The following NSUN7 variants were observed in gnomAD, a reference collection of about 807,000 sequenced individuals.
The protein encoded by NSUN7 is protein NSUN7.
NSUN7 carries 39 observed loss-of-function variants against 58.5 expected under a neutral mutation model. The ratio of observed to expected loss-of-function variants is 0.67; its 90% CI spans 0.52 to 0.87. The LOEUF is 0.87. Ranked by LOEUF, NSUN7 falls within the 40% of genes least tolerant of loss-of-function variation. NSUN7 has a pLI of 0.00. For synonymous variants in NSUN7, 278 were observed against 303.7 expected (o/e 0.92, Z 0.88); for missense variants, 765 against 844.1 (o/e 0.91, Z 1.16).
chr4:40,776,737 T>C (rs1742289470), intron 7 of NSUN7, among the ~76,000 whole-genome samples: 1 of 152,066 alleles, frequency 6.6e-6, no homozygotes, highest in Admixed American at 6.6e-5. Context: ...AACCTCAGCC[T>C]CCCAAGTAGC....
Position 40,808,417 on chromosome 4 carries a change from G to GA in NSUN7, c.1641dup (p.Ser548IlefsTer12), listed in dbSNP as rs760691895. On this transcript the variant is annotated frameshift_variant, in exon 12 of 12. Coordinates refer to ENST00000381782, the MANE Select transcript of NSUN7 (RefSeq NM_024677.6). LOFTEE classifies it low-confidence loss of function (END_TRUNC). ...AATCATCAAAACGGGAGAAGAAGAAGAAAAAATCAAAAACATCATTGACAA... is the reference window on the plus strand; with the variant it reads ...AATCATCAAAACGGGAGAAGAAGAAGAAAAAAATCAAAAACATCATTGACAA... The GA allele has an allele frequency of 2.5e-6, 4 of 1,613,532 alleles. No individual in the cohort carries two copies. Among genetic ancestry groups the GA allele is most frequent in the East Asian group, 2.2e-5 (1 of 44,878 alleles).
chr4:40,809,726 A>ATT lies in NSUN7; in HGVS notation c.*787_*788insTT, dbSNP rs1560569657. On this transcript the variant is annotated 3_prime_UTR_variant, in exon 12 of 12. Coordinates refer to ENST00000381782, the MANE Select transcript of NSUN7 (RefSeq NM_024677.6). Reference sequence around the variant, plus strand: ...ATACCTATTGTTGAAGAAACCCACAAATTTCTGATTCTAAGATCAGGGGAT... The same window carrying ATT: ...ATACCTATTGTTGAAGAAACCCACAATTATTTCTGATTCTAAGATCAGGGGAT... 9.2e-5 allele frequency: 14 copies of ATT among 152,152 alleles called. No homozygotes were observed. Among genetic ancestry groups the ATT allele is most frequent in the Non-Finnish European group, 1.9e-4 (13 of 67,946 alleles). The allele number at this position is 152,152 out of a possible 1,614,324, so 9.4% of individuals were successfully genotyped here. A position where few individuals can be genotyped will look rare whatever the true frequency, so the allele number is the denominator to read the frequency against.
chr4:40,777,326 T>G (rs1742317459), intron 7 of NSUN7, among the ~76,000 whole-genome samples: 1 of 152,196 alleles, frequency 6.6e-6, no homozygotes, highest in African/African-American at 2.4e-5. Flanking sequence ...TTTTTCATTT[T>G]TTTAAATTTT....
At chr4:40,776,018 T>C in intron 6 of NSUN7, 31 bp from the exon 7 acceptor site, 2 of 1,396,954 alleles carry the variant, frequency 1.4e-6, no homozygotes, top group East Asian at 4.6e-5. Flanking sequence ...GCCATACCCT[T>C]TGAAATTCTA....
At chr4:40,788,282 A>G (rs530853871) in intron 7 of NSUN7, among the ~76,000 whole-genome samples, 1 of 152,338 alleles carries the variant, frequency 6.6e-6, no homozygotes, top group Admixed American at 6.5e-5. Flanking sequence ...TCTATGTTAA[A>G]GATACATATT....
chr4:40,771,075 G>T (rs958042883), intron 4 of NSUN7, among the ~76,000 whole-genome samples: 1 of 152,024 alleles, frequency 6.6e-6, no homozygotes, highest in Non-Finnish European at 1.5e-5. Flanking sequence ...ATAAACTGAG[G>T]AAAAATGGCA....
At chr4:40,758,830 A>G (rs2154286615) in intron 2 of NSUN7, among the ~76,000 whole-genome samples, 1 of 152,212 alleles carries the variant, frequency 6.6e-6, no homozygotes, top group East Asian at 1.9e-4. Context: ...GGTTGCAGTA[A>G]GCTGTGACAG....
intron 6 of NSUN7, 23 bp from the exon 7 acceptor site, chr4:40,776,026 C>G (rs1177565628): frequency 1.4e-6 from 2 of 1,464,394 alleles, no homozygotes; most frequent in Non-Finnish European, 1.9e-6. Flanking sequence ...CTTTGAAATT[C>G]TAATCATACC....
chr4:40,787,332 TAAAAATAA>T (rs1227983102), intron 7 of NSUN7, among the ~76,000 whole-genome samples: 1 of 141,460 alleles, frequency 7.1e-6, no homozygotes, highest in African/African-American at 2.6e-5. Flanking sequence ...TACTAAAAAA[TAAAAATAA>T]AAAAATAAAA....
rs758449148 is a variant in NSUN7, at chr4:40,810,811, A to C, written c.*1872A>C. On this transcript the variant is annotated 3_prime_UTR_variant, in exon 12 of 12. Coordinates refer to ENST00000381782, the MANE Select transcript of NSUN7 (RefSeq NM_024677.6). ...ATCCTCTTATCCCACCCAGATTTCTATCTGGTTGGTTAGGGTAGTCCATGC... is the reference window on the plus strand; with the variant it reads ...ATCCTCTTATCCCACCCAGATTTCTCTCTGGTTGGTTAGGGTAGTCCATGC... 2 of 152,162 alleles carry C rather than the reference A, an allele frequency of 1.3e-5. No individual in the cohort carries two copies. Among genetic ancestry groups the C allele is most frequent in the Non-Finnish European group, 2.9e-5 (2 of 68,024 alleles). 9.4% of individuals were successfully genotyped at this position (152,162 alleles called of 1,614,324 possible). A position where few individuals can be genotyped will look rare whatever the true frequency, so the allele number is the denominator to read the frequency against.
chr4:40,773,208 CAT>C (rs757986338), intron 4 of NSUN7: 6 of 152,200 alleles, frequency 3.9e-5, no homozygotes, highest in Non-Finnish European at 5.9e-5. Flanking sequence ...ATTTTGCACA[CAT>C]GATTGATAAT....
Position 40,760,416 on chromosome 4 carries a change from C to G in NSUN7, c.299-18C>G. On this transcript the variant is annotated intron_variant, in intron 2 of 11. Coordinates refer to ENST00000381782, the MANE Select transcript of NSUN7 (RefSeq NM_024677.6). ...CCGCTTTGTATTTTCAGTAACAGGCCTTTCCCTTGTTTTGCAGATCAAGAT... is the reference window on the plus strand; with the variant it reads ...CCGCTTTGTATTTTCAGTAACAGGCGTTTCCCTTGTTTTGCAGATCAAGAT... 1 of 1,600,350 alleles carries G rather than the reference C, an allele frequency of 6.2e-7. No homozygotes were observed. Among genetic ancestry groups the G allele is most frequent in the Admixed American group, 1.7e-5 (1 of 58,422 alleles).
At chr4:40,786,243 A>G (rs1742815997) in intron 7 of NSUN7, 2 of 1,613,888 alleles carry the variant, frequency 1.2e-6, no homozygotes, top group Admixed American at 1.7e-5. Context: ...AGTTCAATGA[A>G]TTTGTAAATA....
rs765417109 is a variant in NSUN7, at chr4:40,790,698, G to C, written c.1133G>C (p.Gly378Ala). ...ATTTTGCTGCTACCTCGTTGTTCAG[G>C]ACTGGGTGTTAGTAATCCAGTAGAA... ...KVILLLPRCS[G>A]LGVSNPVEFI... The change falls in exon 8 of 12, where the codon GGA becomes GCA. Residue 378 changes from glycine (G) to alanine (A), a missense_variant. Gly to Ala is a moderately conservative substitution (Grantham distance 60). Coordinates refer to ENST00000381782, the MANE Select transcript of NSUN7 (RefSeq NM_024677.6). 3 of 1,601,154 alleles carry C rather than the reference G, an allele frequency of 1.9e-6. No homozygotes were observed. The Admixed American group carries it at 5.2e-5, about 28-fold the overall frequency.
Position 40,760,487 on chromosome 4 carries a change from A to G in NSUN7, c.352A>G (p.Thr118Ala). ...AGACAGCTGTATCTTCCCAAGTACC[A>G]CAATAGTAAGTAGATAAGTTTTAGA... is the stretch of plus-strand genomic sequence containing the variant. ...LIDSCIFPST[T>A]IPDHLSSLII... The change falls in exon 3 of 12, where the codon ACA (threonine) becomes GCA (alanine). Residue 118 changes from threonine (T) to alanine (A), a missense_variant. Transcript: ENST00000381782. 1.3e-6 allele frequency: 2 copies of G among 1,596,326 alleles called. No homozygotes were observed. The highest frequency in any genetic ancestry group is 1.3e-5 in the African/African-American group (1 of 74,464).
intron 4 of NSUN7, chr4:40,762,456 G>A (rs1225168342): frequency 6.6e-6 from 1 of 152,140 alleles, no homozygotes; most frequent in Non-Finnish European, 1.5e-5. Context: ...AATTATTGAA[G>A]GCTGAGACCA....
At chr4:40,790,231 T>A (rs1384950843) in intron 7 of NSUN7, among the ~76,000 whole-genome samples, 1 of 152,196 alleles carries the variant, frequency 6.6e-6, no homozygotes, top group African/African-American at 2.4e-5. Flanking sequence ...CATCCCATTT[T>A]ATGAAGAAGG....
At chr4:40,759,974 G>A (rs1413471442) in intron 2 of NSUN7, among the ~76,000 whole-genome samples, 1 of 152,168 alleles carries the variant, frequency 6.6e-6, no homozygotes, top group Non-Finnish European at 1.5e-5. Context: ...GGAGGCAGAC[G>A]TTGCAGTGAG....
At position 40,809,235 on chromosome 4, in the gene NSUN7, T is replaced by G; in HGVS notation, c.*296T>G. 3.9e-6 allele frequency: 1 copy of G among 254,026 alleles called. No homozygotes were observed. The highest frequency in any genetic ancestry group is 7.5e-6 in the Non-Finnish European group (1 of 133,746). The allele number at this position is 254,026 out of a possible 1,614,324, so 15.7% of individuals were successfully genotyped here. A position where few individuals can be genotyped will look rare whatever the true frequency, so the allele number is the denominator to read the frequency against. On this transcript the variant is annotated 3_prime_UTR_variant, in exon 12 of 12. Coordinates refer to ENST00000381782, the MANE Select transcript of NSUN7 (RefSeq NM_024677.6). Reference sequence around the variant, plus strand: ...CTCCTGTGAACTTTCAGGCTGGACTTAAAGCTGCCAAGTTTCCCCTGCAGG... The same window carrying G: ...CTCCTGTGAACTTTCAGGCTGGACTGAAAGCTGCCAAGTTTCCCCTGCAGG...
Sources: gnomAD v4.1 joint callset for allele counts (sites outside exome capture counted in the v4.1 genomes callset) on GRCh38, gnomAD v4.1.1 for gene constraint, MANE v1.5 for transcripts, NCBI Gene and HGNC (gene_info 2026-07-23, HGNC 2026-07-21) for gene names.